KCNQ1: variants seen among roughly 807,000 people sequenced by gnomAD.
The protein encoded by KCNQ1 is potassium voltage-gated channel subfamily KQT member 1.
In KCNQ1, 49 loss-of-function variants were observed where a neutral mutation model predicts 72.4. That is an observed-to-expected ratio of 0.68 (90% CI 0.54 to 0.86). KCNQ1 has a LOEUF of 0.86. Ranked by LOEUF, KCNQ1 falls within the 40% of genes least tolerant of loss-of-function variation. The pLI, the probability that KCNQ1 is intolerant of heterozygous loss-of-function variation, is 0.00. For synonymous variants in KCNQ1, 450 were observed against 412.6 expected (o/e 1.09, Z -1.10); for missense variants, 790 against 945.1 (o/e 0.84, Z 2.15).
chr11:2,663,889 G>A lies in KCNQ1; in HGVS notation c.1514+1808G>A. Reference sequence around the variant, plus strand: ...CCCACCTGCCCAAGGGTGACCCCAAGCCAGTGTGGCTGTGTCATCTAGGAC... The same window carrying A: ...CCCACCTGCCCAAGGGTGACCCCAAACCAGTGTGGCTGTGTCATCTAGGAC... On this transcript the variant is annotated intron_variant, in intron 11 of 15. Transcript: ENST00000155840. This position sits in a 1 kb window ranked among gnomAD's most constrained non-coding sequence, Gnocchi z 5.2. The A allele has an allele frequency of 2.5e-6, 1 of 398,718 alleles. No homozygotes were observed. The highest frequency in any genetic ancestry group is 4.4e-6 in the Non-Finnish European group (1 of 226,116). 24.7% of individuals were successfully genotyped at this position (398,718 alleles called of 1,614,324 possible).
At chr11:2,470,775 A>G (rs967264748) in intron 1 of KCNQ1, among the ~76,000 whole-genome samples, 9 of 151,590 alleles carry the variant, frequency 5.9e-5, no homozygotes, top group Non-Finnish European at 1.3e-4. Context: ...CCTGGTCTCG[A>G]TCAATCCTCC....
chr11:2,697,011 C>T (rs1449720638), intron 11 of KCNQ1: 3 of 398,210 alleles, frequency 7.5e-6, no homozygotes, highest in Non-Finnish European at 1.3e-5. Flanking sequence ...AAAGTGTAGT[C>T]TGGGGATTCC....
At chr11:2,637,022 G>T (rs910366170) in intron 10 of KCNQ1, 1 of 151,940 alleles carries the variant, frequency 6.6e-6, no homozygotes, top group Non-Finnish European at 1.5e-5. Flanking sequence ...CTGTGGGATC[G>T]GTGGTGATAT....
In KCNQ1 at chr11:2,848,061, A is replaced by T; in HGVS notation, c.*58A>T. 1 of 1,425,204 alleles carries T rather than the reference A, an allele frequency of 7.0e-7. No individual in the cohort carries two copies. Among genetic ancestry groups the T allele is most frequent in the Middle Eastern group, 2.1e-4 (1 of 4,674 alleles). 88.3% of individuals were successfully genotyped at this position (1,425,204 alleles called of 1,614,324 possible). Reference sequence around the variant, plus strand: ...GAGAGGGGAGGCCAAGAGTGGCCCCACCTGGCCCTCTCTGAAGGAGGCCAC... The same window carrying T: ...GAGAGGGGAGGCCAAGAGTGGCCCCTCCTGGCCCTCTCTGAAGGAGGCCAC... On this transcript the variant is annotated 3_prime_UTR_variant, in exon 16 of 16. Transcript: ENST00000155840.
In KCNQ1 at chr11:2,676,405, T is replaced by G. The variant is rs983621213; in HGVS notation, c.1514+14324T>G. On this transcript the variant is annotated intron_variant, in intron 11 of 15. Coordinates refer to ENST00000155840, the MANE Select transcript of KCNQ1 (RefSeq NM_000218.3). The surrounding 1 kb of genome is among the most constrained non-coding windows in gnomAD (Gnocchi z 4.2). ...ATAGTCTCTGTGTTCAGCTAGAGAT[T>G]TAGCCCAATGGGCTGGGCTTTTCCC... is the stretch of plus-strand genomic sequence containing the variant. 2 of 398,652 alleles carry G rather than the reference T, an allele frequency of 5.0e-6. No homozygotes were observed. The highest frequency in any genetic ancestry group is 4.4e-6 in the Non-Finnish European group (1 of 226,080). The allele number at this position is 398,652 out of a possible 1,614,324, so 24.7% of individuals were successfully genotyped here.
intron 11 of KCNQ1, among the ~76,000 whole-genome samples, chr11:2,721,297 G>T (rs528118949): frequency 6.6e-6 from 1 of 152,188 alleles, no homozygotes; most frequent in Non-Finnish European, 1.5e-5. Context: ...AAAGCTACCC[G>T]CAGGGGTCTG....
rs56405305 is a variant in KCNQ1 at position 2,785,601 on chromosome 11, CATTTAATACATTTAT to C, written c.1794+7588_1794+7602del. On this transcript the variant is annotated intron_variant, in intron 15 of 15. Coordinates refer to ENST00000155840, the MANE Select transcript of KCNQ1 (RefSeq NM_000218.3). This position sits in a 1 kb window ranked among gnomAD's most constrained non-coding sequence, Gnocchi z 4.4. ...CTGTATTACTGAGTTTTTAAAAAAT[CATTTAATACATTTAT>C]ATTTAATACATTTATATTTAATATA... Among the ~76,000 whole-genome samples the C allele has an allele frequency of 0.99, 149,743 of 150,672 alleles. 74,417 individuals are homozygous for C. The highest frequency in any genetic ancestry group is 1 in the Middle Eastern group (286 of 286).
chr11:2,508,754 A>G lies in KCNQ1; in HGVS notation c.387-19174A>G, dbSNP rs146990519. Among the ~76,000 whole-genome samples, 1 of 152,344 alleles carries G rather than the reference A, an allele frequency of 6.6e-6. No homozygotes were observed. Among genetic ancestry groups the G allele is most frequent in the East Asian group, 1.9e-4 (1 of 5,186 alleles). On this transcript the variant is annotated intron_variant, in intron 1 of 15. Coordinates refer to ENST00000155840, the MANE Select transcript of KCNQ1 (RefSeq NM_000218.3). The surrounding 1 kb of genome is among the most constrained non-coding windows in gnomAD (Gnocchi z 6.2). ...ACTCCCCGAATGGGAGGGATGGGAA[A>G]GACTGTTGAACTAAGCTTTTTAGGA...
chr11:2,796,271 T>G (rs1176550200), intron 15 of KCNQ1, among the ~76,000 whole-genome samples: 1 of 152,214 alleles, frequency 6.6e-6, no homozygotes, highest in Non-Finnish European at 1.5e-5. Flanking sequence ...CGCTGCCCCA[T>G]GGCAGCCACA....
rs1845744949 is a variant in KCNQ1 at position 2,725,560 on chromosome 11, A to G, written c.1515-43284A>G. On this transcript the variant is annotated intron_variant, in intron 11 of 15. Transcript: ENST00000155840. This position sits in a 1 kb window ranked among gnomAD's most constrained non-coding sequence, Gnocchi z 7.2. Reference sequence around the variant, plus strand: ...GAAGTGCATTCACGTGAAGTCGCCAAGTTCAAAGGGCTGCCCCTGGAACCC... The same window carrying G: ...GAAGTGCATTCACGTGAAGTCGCCAGGTTCAAAGGGCTGCCCCTGGAACCC... 6.6e-6 allele frequency among the ~76,000 whole-genome samples: 1 copy of G among 152,180 alleles called. No individual in the cohort carries two copies. The highest frequency in any genetic ancestry group is 1.5e-5 in the Non-Finnish European group (1 of 68,022).
chr11:2,587,731 C>T (rs1329126722), intron 9 of KCNQ1, 39 bp downstream of exon 9: 1 of 1,613,184 alleles, frequency 6.2e-7, no homozygotes, highest in South Asian at 1.1e-5. Flanking sequence ...GGCCTTCTTG[C>T]TAGCAGGTGG....
At chr11:2,719,434 G>A (rs188135715) in intron 11 of KCNQ1, among the ~76,000 whole-genome samples, 1 of 151,676 alleles carries the variant, frequency 6.6e-6, no homozygotes, top group Admixed American at 6.6e-5. Context: ...GGTCAAGAGT[G>A]CAGTGAGCCA....
chr11:2,501,371 A>G (rs1047958654), intron 1 of KCNQ1, among the ~76,000 whole-genome samples: 1 of 152,216 alleles, frequency 6.6e-6, no homozygotes, highest in African/African-American at 2.4e-5. Context: ...ACAGAAATTC[A>G]AAGGATAATT....
At chr11:2,831,077 T>A (rs1847935757) in intron 15 of KCNQ1, among the ~76,000 whole-genome samples, 1 of 152,228 alleles carries the variant, frequency 6.6e-6, no homozygotes, top group Non-Finnish European at 1.5e-5. Context: ...GCGCCCCATT[T>A]TCTGGCCTCT....
intron 1 of KCNQ1, among the ~76,000 whole-genome samples, chr11:2,465,474 C>G (rs907998147): frequency 2.0e-5 from 3 of 152,366 alleles, no homozygotes; most frequent in Non-Finnish European, 4.4e-5. Context: ...AGGGCTGAGA[C>G]TCCTCTGAGC....
At chr11:2,693,396 C>T (rs1850620748) in intron 11 of KCNQ1, 1 of 398,726 alleles carries the variant, frequency 2.5e-6, no homozygotes, top group Non-Finnish European at 4.4e-6. Flanking sequence ...GGAGCTGGGC[C>T]TGGGCCTAAG....
intron 15 of KCNQ1, among the ~76,000 whole-genome samples, chr11:2,836,667 G>A (rs234866): frequency 0.24 from 36,523 of 152,204 alleles, 4,842 homozygotes; most frequent in South Asian, 0.31. Flanking sequence ...GTGATTCTAC[G>A]TGCAGCCTCC....
intron 10 of KCNQ1, chr11:2,656,480 C>T (rs533015922): frequency 9.5e-5 from 38 of 398,694 alleles, no homozygotes; most frequent in Admixed American, 7.0e-4. Context: ...GTCTGCCACT[C>T]GCCCCCACGG....
intron 11 of KCNQ1, among the ~76,000 whole-genome samples, chr11:2,726,571 C>T (rs1845768287): frequency 6.6e-6 from 1 of 152,194 alleles, no homozygotes; most frequent in Non-Finnish European, 1.5e-5. Flanking sequence ...GCCAGAAGTC[C>T]AGAGGGACAC....
Sources: gnomAD v4.1 joint callset for allele counts (sites outside exome capture counted in the v4.1 genomes callset) on GRCh38, gnomAD v4.1.1 for gene constraint, Gnocchi (gnomAD v3.1) non-coding constraint, MANE v1.5 for transcripts, NCBI Gene and HGNC (gene_info 2026-07-23, HGNC 2026-07-21) for gene names.